The following CTNNA3 variants were observed in gnomAD, a reference collection of about 807,000 sequenced individuals.
CTNNA3 encodes the protein catenin alpha-3.
Under a neutral mutation model 95.7 loss-of-function variants are expected in CTNNA3, and 76 were observed. The ratio of observed to expected loss-of-function variants is 0.79; its 90% CI spans 0.66 to 0.96. CTNNA3 has a LOEUF of 0.96. Among genes scored for constraint, CTNNA3 ranks in the 40% least tolerant of loss-of-function variants. CTNNA3 has a pLI of 0.00. For missense variants in CTNNA3, 1,191 were observed against 1,089.8 expected, an observed-to-expected ratio of 1.09 and a Z score of -1.31; for synonymous variants, 431 against 374.4, an observed-to-expected ratio of 1.15 and a Z score of -1.74.
At chr10:67,127,750 A>T (rs1859786699) in intron 7 of CTNNA3, among the ~76,000 whole-genome samples, 1 of 152,098 alleles carries the variant, frequency 6.6e-6, no homozygotes, top group South Asian at 2.1e-4. Context: ...ACCCTCACTC[A>T]TTTTTTACAT....
At chr10:67,208,765 T>A (rs1000240641) in intron 6 of CTNNA3, among the ~76,000 whole-genome samples, 1 of 152,180 alleles carries the variant, frequency 6.6e-6, no homozygotes, top group Non-Finnish European at 1.5e-5. Context: ...TTTTTCTTAA[T>A]TTCCATAATT....
chr10:67,748,769 T>C (rs11817688), intron 1 of CTNNA3, among the ~76,000 whole-genome samples: 18,970 of 152,176 alleles, frequency 0.12, 1,767 homozygotes, highest in African/African-American at 0.27. Context: ...ACCTTAAATG[T>C]AAATAGGCTA....
intron 6 of CTNNA3, among the ~76,000 whole-genome samples, chr10:67,197,625 C>G (rs1263749865): frequency 6.6e-6 from 1 of 151,960 alleles, no homozygotes; most frequent in Admixed American, 6.6e-5. Context: ...TGAGGTCTTC[C>G]CCATATTCTC....
At chr10:67,681,476 T>A (rs2133569117) in intron 1 of CTNNA3, among the ~76,000 whole-genome samples, 1 of 151,984 alleles carries the variant, frequency 6.6e-6, no homozygotes, top group South Asian at 2.1e-4. Flanking sequence ...AGGAGAAAAA[T>A]TAAAAATAAA....
chr10:66,840,372 TCACACACACACA>T (rs138947952), intron 7 of CTNNA3, among the ~76,000 whole-genome samples: 2,035 of 70,996 alleles, frequency 0.029, 32 homozygotes, highest in Non-Finnish European at 0.039. Flanking sequence ...TCTCTCTCTC[TCACACACACACA>T]CACACACACA....
At chr10:66,984,660 C>A (rs201061139) in intron 7 of CTNNA3, among the ~76,000 whole-genome samples, 1 of 152,026 alleles carries the variant, frequency 6.6e-6, no homozygotes, top group East Asian at 1.9e-4. Flanking sequence ...GAAGTTTTAC[C>A]CTCTTAATTT....
intron 11 of CTNNA3, among the ~76,000 whole-genome samples, chr10:66,478,760 C>T (rs1202263253): frequency 2.6e-5 from 4 of 151,432 alleles, no homozygotes; most frequent in African/African-American, 9.7e-5. Context: ...CATTTTATTC[C>T]TCACCCAACA....
In CTNNA3 at chr10:66,448,378, A is replaced by G. The variant is rs547599893; in HGVS notation, c.1532-69026T>C. 3.3e-3 allele frequency among the ~76,000 whole-genome samples: 505 copies of G among 152,240 alleles called. 1 individual carries two copies. The highest frequency in any genetic ancestry group is 0.012 in the African/African-American group (481 of 41,546). Reference sequence around the variant, plus strand: ...TGCTGCTATAAAGACACATGCACACATATGTTTATTGCGGCACTATTCACA... The same window carrying G: ...TGCTGCTATAAAGACACATGCACACGTATGTTTATTGCGGCACTATTCACA... On this transcript the variant is annotated intron_variant, in intron 11 of 17. Transcript: ENST00000433211.
At chr10:66,199,799 ATATATATTTTTTTT>A (rs2087254220) in intron 13 of CTNNA3, among the ~76,000 whole-genome samples, 2 of 13,848 alleles carry the variant, frequency 1.4e-4, no homozygotes, top group African/African-American at 2.9e-4. Context: ...ATATATATAT[ATATATATTTTTTTT>A]TTTTTTTTTT....
intron 5 of CTNNA3, among the ~76,000 whole-genome samples, chr10:67,514,782 T>A (rs1156495072): frequency 6.7e-6 from 1 of 150,364 alleles, no homozygotes; most frequent in Non-Finnish European, 1.5e-5. Context: ...AAACAACCCA[T>A]AACAAAGAAT....
chr10:66,207,691 T>C (rs538722921), intron 13 of CTNNA3, among the ~76,000 whole-genome samples: 2 of 152,022 alleles, frequency 1.3e-5, no homozygotes, highest in East Asian at 3.9e-4. Context: ...AGAAAAGGAG[T>C]AGGCAAAATT....
At chr10:67,452,592 ATT>A (rs1319391403) in intron 5 of CTNNA3, among the ~76,000 whole-genome samples, 2 of 152,198 alleles carry the variant, frequency 1.3e-5, no homozygotes, top group African/African-American at 4.8e-5. Context: ...ATTTTAATAC[ATT>A]TGCTATGAAG....
At chr10:66,610,106 A>G (rs1844274053) in intron 10 of CTNNA3, among the ~76,000 whole-genome samples, 1 of 152,150 alleles carries the variant, frequency 6.6e-6, no homozygotes, top group Admixed American at 6.6e-5. Context: ...TGAAGAGTAG[A>G]GGATGGGAGG....
intron 16 of CTNNA3, among the ~76,000 whole-genome samples, chr10:65,988,303 A>G: frequency 6.6e-6 from 1 of 152,262 alleles, no homozygotes; most frequent in African/African-American, 2.4e-5. Flanking sequence ...GGCAATTATT[A>G]TATGTCAATT....
At chr10:66,031,757 A>C (rs1488205550) in intron 15 of CTNNA3, among the ~76,000 whole-genome samples, 1 of 152,224 alleles carries the variant, frequency 6.6e-6, no homozygotes, top group Non-Finnish European at 1.5e-5. Context: ...ATAACCTTGC[A>C]GAGTAAAAAT....
intron 1 of CTNNA3, among the ~76,000 whole-genome samples, chr10:67,679,347 G>A (rs554457788): frequency 2.6e-5 from 4 of 152,216 alleles, no homozygotes; most frequent in African/African-American, 9.6e-5. Context: ...AATGTCCTCT[G>A]AGAAGCAAAA....
chr10:66,435,935 C>T (rs1332328528), intron 11 of CTNNA3, among the ~76,000 whole-genome samples: 1 of 151,314 alleles, frequency 6.6e-6, no homozygotes, highest in African/African-American at 2.4e-5. Flanking sequence ...TTTATTTACC[C>T]AATAGTCATT....
intron 12 of CTNNA3, among the ~76,000 whole-genome samples, chr10:66,321,655 A>G (rs1234939321): frequency 6.6e-6 from 1 of 152,122 alleles, no homozygotes; most frequent in Non-Finnish European, 1.5e-5. Flanking sequence ...AAATTTCAAA[A>G]TACTGATTGT....
At chr10:67,297,922 T>G (rs1223656068) in intron 5 of CTNNA3, among the ~76,000 whole-genome samples, 1 of 152,220 alleles carries the variant, frequency 6.6e-6, no homozygotes, top group African/African-American at 2.4e-5. Context: ...TGATTCTCCT[T>G]TGAGGTTTCT....
Sources: gnomAD v4.1 joint callset for allele counts (sites outside exome capture counted in the v4.1 genomes callset) on GRCh38, gnomAD v4.1.1 for gene constraint, MANE v1.5 for transcripts, NCBI Gene and HGNC (gene_info 2026-07-23, HGNC 2026-07-21) for gene names.